The following RPS6KC1 variants were observed in gnomAD, a reference collection of about 807,000 sequenced individuals.
RPS6KC1 encodes inactive ribosomal protein S6 kinase delta-1.
RPS6KC1 carries 54 observed loss-of-function variants against 103.8 expected under a neutral mutation model. The ratio of observed to expected loss-of-function variants is 0.52; its 90% CI spans 0.42 to 0.65. The LOEUF (loss-of-function observed/expected upper bound fraction) is 0.65. Among genes scored for constraint, RPS6KC1 ranks in the 30% least tolerant of loss-of-function variants. RPS6KC1 has a pLI of 0.00. For missense variants in RPS6KC1, 1,151 were observed against 1,253.8 expected (o/e 0.92, Z 1.24); for synonymous variants, 439 against 438.7 (o/e 1.00, Z -0.01).
At chr1:213,213,814 C>G (rs1054386097) in intron 8 of RPS6KC1, among the ~76,000 whole-genome samples, 66 of 152,218 alleles carry the variant, frequency 4.3e-4, no homozygotes, top group African/African-American at 1.4e-3. Context: ...GGAAGATAAA[C>G]TTAACTCTGG....
chr1:213,390,194 CAGTTA>C, the RPS6KC1 span, among the ~76,000 whole-genome samples: 1 of 152,212 alleles, frequency 6.6e-6, no homozygotes, highest in African/African-American at 2.4e-5. Context: ...TCCCCCACCC[CAGTTA>C]AGTTGTTTGT....
chr1:213,074,047 A>G (rs2079098722), intron 2 of RPS6KC1, among the ~76,000 whole-genome samples: 1 of 152,242 alleles, frequency 6.6e-6, no homozygotes. Flanking sequence ...AAAATCCATA[A>G]GCAAATAGTG....
At chr1:213,346,853 C>G in the RPS6KC1 span, among the ~76,000 whole-genome samples, 1 of 152,042 alleles carries the variant, frequency 6.6e-6, no homozygotes, top group Non-Finnish European at 1.5e-5. Context: ...GAGGATGAGA[C>G]GCATGTGGAG....
the RPS6KC1 span, among the ~76,000 whole-genome samples, chr1:213,744,883 A>G: frequency 6.6e-6 from 1 of 152,244 alleles, no homozygotes; most frequent in Non-Finnish European, 1.5e-5. Context: ...AGAAGTGCTC[A>G]GCTGCCTGGG....
chr1:213,704,238 T>A, the RPS6KC1 span, among the ~76,000 whole-genome samples: 2 of 151,196 alleles, frequency 1.3e-5, no homozygotes, highest in South Asian at 2.1e-4. Flanking sequence ...ATACAAAAAA[T>A]TAGCCGGGCG....
At position 213,243,876 on chromosome 1, in the gene RPS6KC1, A is replaced by C. The variant is rs143216958; in HGVS notation, c.2911+1218A>C. Among the ~76,000 whole-genome samples the C allele has an allele frequency of 1.6e-4, 24 of 152,320 alleles. No individual in the cohort carries two copies. In the East Asian group the frequency reaches 3.5e-3, roughly 22 times the overall value. On this transcript the variant is annotated intron_variant, in intron 12 of 14. Coordinates refer to ENST00000366960, the MANE Select transcript of RPS6KC1 (RefSeq NM_012424.6). ...TCTCTGCATAATGGGAAGTGATGAT[A>C]ATAAGGATTAAAAGAGCTAGATTGT...
intron 8 of RPS6KC1, among the ~76,000 whole-genome samples, chr1:213,200,259 A>G (rs747142532): frequency 5.3e-5 from 8 of 152,168 alleles, no homozygotes; most frequent in Non-Finnish European, 7.4e-5. Flanking sequence ...AGTAACCAAA[A>G]CAGCATGATA....
chr1:213,835,536 C>T, the RPS6KC1 span, among the ~76,000 whole-genome samples: 5 of 152,136 alleles, frequency 3.3e-5, no homozygotes, highest in Non-Finnish European at 7.3e-5. Flanking sequence ...GGGAGGACAG[C>T]TGAGCAGGAG....
At chr1:213,714,267 A>G in the RPS6KC1 span, among the ~76,000 whole-genome samples, 47 of 152,336 alleles carry the variant, frequency 3.1e-4, 1 homozygote, top group African/African-American at 1.1e-3. Context: ...CTAATGTTAT[A>G]TAGATGTTAG....
the RPS6KC1 span, among the ~76,000 whole-genome samples, chr1:213,787,576 G>A: frequency 6.6e-6 from 1 of 152,066 alleles, no homozygotes; most frequent in South Asian, 2.1e-4. Flanking sequence ...ACTTATTGAT[G>A]GATTAGATAT....
the RPS6KC1 span, among the ~76,000 whole-genome samples, chr1:213,549,612 CTTTTTTTTTTT>C: frequency 4.6e-5 from 4 of 86,916 alleles, no homozygotes; most frequent in Admixed American, 1.3e-4. Context: ...TTTTCTTTTC[CTTTTTTTTTTT>C]TTTTTTTTTT....
At chr1:213,503,064 C>CT in the RPS6KC1 span, among the ~76,000 whole-genome samples, 376 of 150,996 alleles carry the variant, frequency 2.5e-3, 2 homozygotes, top group South Asian at 9.7e-3. Flanking sequence ...TAAAAAGTGG[C>CT]TTTTTTTTTC....
chr1:213,363,625 G>GCTTTCTTTCTTT, the RPS6KC1 span, among the ~76,000 whole-genome samples: 3 of 73,780 alleles, frequency 4.1e-5, no homozygotes, highest in Non-Finnish European at 2.6e-5. Flanking sequence ...TTGCTTGCTT[G>GCTTTCTTTCTTT]CTTTCTTTCT....
At chr1:213,616,175 T>G in the RPS6KC1 span, among the ~76,000 whole-genome samples, 5 of 152,316 alleles carry the variant, frequency 3.3e-5, no homozygotes, top group South Asian at 8.3e-4. Flanking sequence ...AAAAAGGATA[T>G]TAAAAACAGG....
At chr1:213,657,631 T>C in the RPS6KC1 span, among the ~76,000 whole-genome samples, 1 of 152,268 alleles carries the variant, frequency 6.6e-6, no homozygotes. Context: ...GAGAATTCAA[T>C]TCCAGGCAGA....
intron 14 of RPS6KC1, among the ~76,000 whole-genome samples, chr1:213,263,139 A>G (rs914929910): frequency 6.6e-6 from 1 of 152,180 alleles, no homozygotes; most frequent in Non-Finnish European, 1.5e-5. Flanking sequence ...TTTTGCAGTT[A>G]CATTTTGTAA....
the RPS6KC1 span, among the ~76,000 whole-genome samples, chr1:213,367,091 G>C: frequency 6.6e-6 from 1 of 152,180 alleles, no homozygotes; most frequent in African/African-American, 2.4e-5. Flanking sequence ...CTCTGCACAA[G>C]TTTCAGTTCC....
At chr1:213,317,670 T>C in the RPS6KC1 span, among the ~76,000 whole-genome samples, 2 of 152,240 alleles carry the variant, frequency 1.3e-5, no homozygotes. Flanking sequence ...AGTTCAGTTC[T>C]TTTTACCACA....
intron 4 of RPS6KC1, among the ~76,000 whole-genome samples, chr1:213,105,250 A>C: frequency 6.8e-6 from 1 of 146,754 alleles, no homozygotes; most frequent in Admixed American, 6.7e-5. Flanking sequence ...TTTAATAATA[A>C]TTTTCTAACT....
Sources: allele counts gnomAD v4.1 joint callset (sites outside exome capture counted in the v4.1 genomes callset), GRCh38; gene constraint gnomAD v4.1.1; transcripts MANE v1.5; gene names NCBI Gene and HGNC (gene_info 2026-07-23, HGNC 2026-07-21).